KLK8: variants seen among roughly 807,000 people sequenced by gnomAD.
The protein encoded by KLK8 is kallikrein-8.
In KLK8, 18 loss-of-function variants were observed where a neutral mutation model predicts 26.7. The observed-to-expected ratio is 0.67, with a 90% confidence interval of 0.47 to 1.00. KLK8 has a LOEUF of 1.00. Ranked by LOEUF, KLK8 falls within the 50% of genes least tolerant of loss-of-function variation. The pLI, the probability that KLK8 is intolerant of heterozygous loss-of-function variation, is 0.00. For synonymous variants in KLK8, 137 were observed against 127.1 expected, an observed-to-expected ratio of 1.08 and a Z score of -0.52; for missense variants, 301 against 331.7, an observed-to-expected ratio of 0.91 and a Z score of 0.72.
At chr19:51,000,760 AC>A in intron 3 of KLK8, 177 bp from the exon 3 acceptor site, 1 of 1,508,692 alleles carries the variant, frequency 6.6e-7, no homozygotes, top group Non-Finnish European at 8.9e-7. Context: ...GTGTCATCAT[AC>A]AAGAGTCACA....
intron 2 of KLK8, 131 bp from the exon 2 acceptor site, chr19:51,001,306 G>C (rs1333723581): frequency 1.4e-6 from 1 of 719,084 alleles, no homozygotes; most frequent in South Asian, 1.7e-5. Flanking sequence ...GAAGGAGGAG[G>C]CTGGGGGACT....
In KLK8 at chr19:50,999,583, C is replaced by CAAAAAAAAAAAAAAAAAAAAAAA. The variant is rs56988162; in HGVS notation, c.493+390_493+412dup. Among the ~76,000 whole-genome samples, 2 of 30,290 alleles carry CAAAAAAAAAAAAAAAAAAAAAAA rather than the reference C, an allele frequency of 6.6e-5. 1 individual carries two copies. The highest frequency in any genetic ancestry group is 1.7e-4 in the African/African-American group (2 of 11,626). The allele number at this position is 30,290 out of a possible 152,430, so 19.9% of individuals were successfully genotyped here. ...GATTGAGTGAAACTGTGTCCCCCTG[C>CAAAAAAAAAAAAAAAAAAAAAAA]AAAAAAAAAAAAAAAAAAAAAAAAA... On this transcript the variant is annotated intron_variant, in intron 5 of 6. Coordinates refer to ENST00000600767, the Ensembl canonical transcript of KLK8.
At chr19:51,000,477 G>A (rs770388543) in exon 4 of KLK8, 31 of 1,613,762 alleles carry the variant, frequency 1.9e-5, no homozygotes, top group African/African-American at 2.7e-5. Context: ...CAAGGACACC[G>A]CCACAGAGTA....
At chr19:51,001,492 C>T (rs1568556972) in intron 2 of KLK8, 40 bp downstream of exon 1, 1 of 335,774 alleles carries the variant, frequency 3.0e-6, no homozygotes, top group Admixed American at 4.5e-5. Flanking sequence ...AAGGAGGGTC[C>T]GGGGCCTGAT....
intron 3 of KLK8, among the ~76,000 whole-genome samples, chr19:51,000,896 C>T (rs940683851): frequency 6.6e-6 from 1 of 152,168 alleles, no homozygotes; most frequent in Admixed American, 6.5e-5. Flanking sequence ...TACAGCATCA[C>T]GGAACCTACT....
intron 3 of KLK8, 33 bp from the exon 3 acceptor site, chr19:51,000,616 C>A: frequency 6.2e-7 from 1 of 1,611,152 alleles, no homozygotes; most frequent in Non-Finnish European, 8.5e-7. Context: ...GGATCGCCAC[C>A]CTCTGGGGCA....
chr19:51,000,994 G>C (rs1369320010), intron 3 of KLK8, 104 bp downstream of exon 2: 7 of 1,112,236 alleles, frequency 6.3e-6, no homozygotes, highest in Non-Finnish European at 9.2e-6. Context: ...CTTCACATCC[G>C]TGCACACGCA....
intron 6 of KLK8, among the ~76,000 whole-genome samples, chr19:50,996,731 C>CAAAAAAAAA (rs113362363): frequency 6.2e-5 from 6 of 96,922 alleles, no homozygotes; most frequent in Admixed American, 1.2e-4. Flanking sequence ...GACCCTGTCT[C>CAAAAAAAAA]AAAAAAAAAA....
intron 6 of KLK8, among the ~76,000 whole-genome samples, chr19:50,996,466 GCTCACAC>G (rs2091168008): frequency 6.6e-6 from 1 of 151,824 alleles, no homozygotes; most frequent in South Asian, 2.1e-4. Context: ...AGGCTTGGTG[GCTCACAC>G]CTGCAATCCC....
intron 4 of KLK8, 23 bp from the exon 4 acceptor site, chr19:51,000,281 G>A: frequency 1.3e-6 from 2 of 1,558,642 alleles, no homozygotes; most frequent in Admixed American, 1.7e-5. Context: ...GGATAGTTTG[G>A]GACCCAGGCA....
chr19:51,000,464 C>T, exon 4 of KLK8: 1 of 1,613,598 alleles, frequency 6.2e-7, no homozygotes, highest in Non-Finnish European at 8.5e-7. Context: ...CAGTTGCCAC[C>T]TACAAGGACA....
At chr19:51,001,164 C>T (rs778733962) in exon 3 of KLK8, 2 of 1,612,880 alleles carry the variant, frequency 1.2e-6, no homozygotes. Context: ...CGGGGGCGTC[C>T]CATGGTGAGG....
chr19:51,000,398 G>A, intron 4 of KLK8, 26 bp downstream of exon 3: 1 of 1,579,030 alleles, frequency 6.3e-7, no homozygotes, highest in Non-Finnish European at 8.6e-7. Flanking sequence ...AGCCCCAGCT[G>A]ACCTCTGCCC....
intron 6 of KLK8, among the ~76,000 whole-genome samples, chr19:50,996,927 CA>C (rs879286183): frequency 0.059 from 8,966 of 150,716 alleles, 417 homozygotes; most frequent in African/African-American, 0.12. Context: ...CACACACACA[CA>C]CACACACACA....
At chr19:50,998,112 G>C (rs534644507) in intron 5 of KLK8, 2 of 537,520 alleles carry the variant, frequency 3.7e-6, no homozygotes, top group African/African-American at 3.8e-5. Flanking sequence ...TGGATCTCAC[G>C]TGTTTTTTCT....
At chr19:51,000,126 C>G (rs2091207664) in exon 5 of KLK8, 1 of 1,613,976 alleles carries the variant, frequency 6.2e-7, no homozygotes, top group Admixed American at 1.7e-5. Flanking sequence ...GAAGAAGCAT[C>G]AGATCATGGT....
At chr19:50,996,893 G>GAC (rs368604260) in intron 6 of KLK8, among the ~76,000 whole-genome samples, 1,984 of 81,248 alleles carry the variant, frequency 0.024, 22 homozygotes, top group Non-Finnish European at 0.03. Flanking sequence ...GATTCTTATG[G>GAC]ACACACACAC....
chr19:51,001,216 G>T lies in KLK8; in HGVS notation c.-8-41C>A, dbSNP rs1175500414. Reference sequence around the variant, plus strand: ...GGCGGGGCCGGTAAACAGGAAGGAGGAGCCTGAGCTCCCAGTTCTGGATTT... The same window carrying T: ...GGCGGGGCCGGTAAACAGGAAGGAGTAGCCTGAGCTCCCAGTTCTGGATTT... On this transcript the variant is annotated intron_variant, in intron 2 of 6. Coordinates refer to ENST00000600767, the Ensembl canonical transcript of KLK8. The T allele has an allele frequency of 1.9e-6, 3 of 1,560,114 alleles. No homozygotes were observed. In the East Asian group the frequency reaches 6.8e-5, roughly 35 times the overall value.
chr19:50,997,680 C>G (rs1600122046), intron 6 of KLK8, 71 bp downstream of exon 5: 11 of 1,574,456 alleles, frequency 7.0e-6, no homozygotes, highest in Non-Finnish European at 9.6e-6. Flanking sequence ...CACCCCCACC[C>G]CCATCCAAGC....
Sources: allele counts gnomAD v4.1 joint callset (sites outside exome capture counted in the v4.1 genomes callset), GRCh38; gene constraint gnomAD v4.1.1; transcripts MANE v1.5; gene names NCBI Gene and HGNC (gene_info 2026-07-23, HGNC 2026-07-21).